SPOCK3: variants seen among roughly 807,000 people sequenced by gnomAD.
SPOCK3 encodes the protein SPARC (osteonectin), cwcv and kazal like domains proteoglycan 3.
A neutral mutation model predicts 56.6 loss-of-function variants in SPOCK3; 30 were observed. That is an observed-to-expected ratio of 0.53 (90% CI 0.40 to 0.72). The LOEUF (loss-of-function observed/expected upper bound fraction) is 0.72, where lower values mean the gene tolerates loss of function less well. Among genes scored for constraint, SPOCK3 ranks in the 30% least tolerant of loss-of-function variants. SPOCK3 has a pLI of 0.00. For missense variants in SPOCK3, 527 were observed against 530.0 expected, an observed-to-expected ratio of 0.99 and a Z score of 0.06; for synonymous variants, 196 against 183.3, an observed-to-expected ratio of 1.07 and a Z score of -0.56.
intron 3 of SPOCK3, among the ~76,000 whole-genome samples, chr4:167,032,726 A>T (rs927302959): frequency 1.1e-4 from 17 of 152,094 alleles, no homozygotes; most frequent in African/African-American, 3.6e-4. Flanking sequence ...TATCATAGAA[A>T]AAAAGGCATA....
chr4:167,168,314 G>A (rs1374962290), intron 2 of SPOCK3, among the ~76,000 whole-genome samples: 2 of 152,144 alleles, frequency 1.3e-5, no homozygotes, highest in East Asian at 3.9e-4. Flanking sequence ...CTCACAAGAA[G>A]ATAGGAAAAT....
At chr4:166,820,317 T>C (rs934834806) in intron 6 of SPOCK3, among the ~76,000 whole-genome samples, 1 of 152,038 alleles carries the variant, frequency 6.6e-6, no homozygotes, top group African/African-American at 2.4e-5. Flanking sequence ...TAGATAAAAC[T>C]ATTATTCATC....
chr4:167,005,554 G>A (rs1198016647), intron 3 of SPOCK3, among the ~76,000 whole-genome samples: 2 of 150,986 alleles, frequency 1.3e-5, no homozygotes, highest in South Asian at 2.1e-4. Context: ...CTTGCCCATC[G>A]CCTTAATATT....
chr4:166,823,004 C>G (rs1355813493), intron 6 of SPOCK3, among the ~76,000 whole-genome samples: 1 of 152,048 alleles, frequency 6.6e-6, no homozygotes, highest in East Asian at 1.9e-4. Context: ...ACTTAGGAAG[C>G]CATATGCATA....
chr4:166,812,754 T>G (rs112521701), intron 6 of SPOCK3, among the ~76,000 whole-genome samples: 1 of 152,008 alleles, frequency 6.6e-6, no homozygotes, highest in Non-Finnish European at 1.5e-5. Flanking sequence ...CTGGGACGAA[T>G]TAAATTTATT....
chr4:167,023,849 G>A (rs140132111), intron 3 of SPOCK3, among the ~76,000 whole-genome samples: 3 of 152,010 alleles, frequency 2.0e-5, no homozygotes, highest in Non-Finnish European at 2.9e-5. Context: ...TCCCCCTAAT[G>A]CAAAGCCAGA....
chr4:167,073,143 T>C (rs1159536840), intron 2 of SPOCK3, among the ~76,000 whole-genome samples: 1 of 151,720 alleles, frequency 6.6e-6, no homozygotes, highest in Admixed American at 6.6e-5. Flanking sequence ...TAATTTTACA[T>C]TTGATATTTA....
At chr4:166,937,098 T>C (rs1012002943) in intron 4 of SPOCK3, among the ~76,000 whole-genome samples, 1 of 152,078 alleles carries the variant, frequency 6.6e-6, no homozygotes, top group Non-Finnish European at 1.5e-5. Flanking sequence ...TAGTTGAGAT[T>C]TGCTTTACAA....
intron 2 of SPOCK3, among the ~76,000 whole-genome samples, chr4:167,210,699 C>T (rs71620427): frequency 0.031 from 4,749 of 152,066 alleles, 114 homozygotes; most frequent in Middle Eastern, 0.075. Context: ...CATTTGATTG[C>T]CTGATATTCA....
chr4:166,753,818 T>C (rs984729217), intron 8 of SPOCK3, among the ~76,000 whole-genome samples: 5 of 152,136 alleles, frequency 3.3e-5, no homozygotes, highest in Admixed American at 1.3e-4. Context: ...TCTTGTTTTT[T>C]CCCCTATTCA....
At chr4:167,023,292 T>C (rs77566612) in intron 3 of SPOCK3, among the ~76,000 whole-genome samples, 1,717 of 152,060 alleles carry the variant, frequency 0.011, 34 homozygotes, top group African/African-American at 0.039. Flanking sequence ...AAAAGACTTA[T>C]TGATAGCCAT....
chr4:166,972,875 T>C (rs2150077097), intron 4 of SPOCK3, among the ~76,000 whole-genome samples: 1 of 152,216 alleles, frequency 6.6e-6, no homozygotes, highest in East Asian at 1.9e-4. Context: ...TACACTTGAT[T>C]TTCATCACAC....
intron 2 of SPOCK3, among the ~76,000 whole-genome samples, chr4:167,098,148 A>G (rs1759322983): frequency 6.6e-6 from 1 of 151,940 alleles, no homozygotes; most frequent in East Asian, 1.9e-4. Context: ...GGTCTTTTCT[A>G]CTGGAAACTA....
chr4:166,939,185 T>C (rs1269929893), intron 4 of SPOCK3, among the ~76,000 whole-genome samples: 1 of 152,080 alleles, frequency 6.6e-6, no homozygotes, highest in Non-Finnish European at 1.5e-5. Flanking sequence ...AGTAATGTAA[T>C]ATAATTAAAA....
chr4:167,152,262 C>T (rs940633225), intron 2 of SPOCK3, among the ~76,000 whole-genome samples: 22 of 152,150 alleles, frequency 1.4e-4, no homozygotes, highest in Admixed American at 1.4e-3. Context: ...TGTTCCAGAA[C>T]ACTGTGGAAC....
At position 167,040,993 on chromosome 4, in the gene SPOCK3, G is replaced by A. The variant is rs193218867; in HGVS notation, c.235+21499C>T. Among the ~76,000 whole-genome samples the A allele has an allele frequency of 7.7e-4, 118 of 152,314 alleles. 2 individuals carry two copies. The Middle Eastern group carries it at 0.01, about 13-fold the overall frequency. On this transcript the variant is annotated intron_variant, in intron 3 of 10. Coordinates refer to ENST00000357545, the MANE Select transcript of SPOCK3 (RefSeq NM_001040159.2). ...TTCTCATGAGGTCTCACTCGAAGGT[G>A]TAATGAGTGGTCATGGATAGAGCCG... is the stretch of plus-strand genomic sequence containing the variant.
intron 5 of SPOCK3, among the ~76,000 whole-genome samples, chr4:166,899,970 A>G (rs868675952): frequency 7.9e-5 from 12 of 152,144 alleles, no homozygotes; most frequent in African/African-American, 2.9e-4. Flanking sequence ...TATATTCCCC[A>G]CTTAGGCATT....
chr4:166,744,449 AAG>A (rs1294402450), intron 8 of SPOCK3, among the ~76,000 whole-genome samples: 1 of 152,188 alleles, frequency 6.6e-6, no homozygotes, highest in Non-Finnish European at 1.5e-5. Context: ...CATCGACAAA[AAG>A]GACATCCACA....
intron 6 of SPOCK3, among the ~76,000 whole-genome samples, chr4:166,856,800 C>CTATCTATCTATCTAGA (rs1553988935): frequency 2.0e-5 from 3 of 151,394 alleles, no homozygotes; most frequent in Non-Finnish European, 4.4e-5. Flanking sequence ...ATCTATCTAT[C>CTATCTATCTATCTAGA]TATCTATCTA....
Sources: gnomAD v4.1 joint callset for allele counts (sites outside exome capture counted in the v4.1 genomes callset) on GRCh38, gnomAD v4.1.1 for gene constraint, MANE v1.5 for transcripts, NCBI Gene and HGNC (gene_info 2026-07-23, HGNC 2026-07-21) for gene names.